The following DGKD variants were observed in gnomAD, a reference collection of about 807,000 sequenced individuals.
The protein encoded by DGKD is DAG kinase delta.
DGKD carries 68 observed loss-of-function variants against 154.4 expected under a neutral mutation model. That is an observed-to-expected ratio of 0.44 (90% CI 0.36 to 0.54). DGKD has a LOEUF of 0.54. DGKD is among the 20% of genes least tolerant of loss of function. The pLI, the probability that DGKD is intolerant of heterozygous loss-of-function variation, is 0.00. For synonymous variants in DGKD, 693 were observed against 638.0 expected (o/e 1.09, Z -1.30); for missense variants, 1,343 against 1,593.6 (o/e 0.84, Z 2.68).
At chr2:233,447,146 C>T (rs1449718025) in intron 12 of DGKD, among the ~76,000 whole-genome samples, 4 of 152,154 alleles carry the variant, frequency 2.6e-5, no homozygotes, top group East Asian at 1.9e-4. Context: ...CCGCGGTGCC[C>T]ACGTGCCTGG....
chr2:233,402,665 A>G (rs2061589240), intron 3 of DGKD, among the ~76,000 whole-genome samples: 1 of 152,128 alleles, frequency 6.6e-6, no homozygotes, highest in Non-Finnish European at 1.5e-5. Context: ...CAGCTTGGGG[A>G]CAAGGTTAGC....
rs752373456 is a variant in DGKD, at chr2:233,467,079, C to A, written c.3307-7C>A. On this transcript the variant is annotated splice_region_variant and splice_polypyrimidine_tract_variant and intron_variant, in intron 27 of 29. Coordinates refer to ENST00000264057, the MANE Select transcript of DGKD (RefSeq NM_152879.3). Reference sequence around the variant, plus strand: ...TGATTCTCAGTATTCCTCATTCTCCCCAACAGAGTGTGATGCTGGATCTTG... The same window carrying A: ...TGATTCTCAGTATTCCTCATTCTCCACAACAGAGTGTGATGCTGGATCTTG... The A allele has an allele frequency of 6.2e-7, 1 of 1,608,770 alleles. No individual in the cohort carries two copies. The highest frequency in any genetic ancestry group is 8.5e-7 in the Non-Finnish European group (1 of 1,175,122).
chr2:233,464,503 G>A (rs984068816), intron 27 of DGKD, among the ~76,000 whole-genome samples: 5 of 152,218 alleles, frequency 3.3e-5, no homozygotes, highest in African/African-American at 4.8e-5. Flanking sequence ...AGTGCCCCTT[G>A]AGGACCAGGG....
At chr2:233,376,704 G>A (rs975087392) in intron 1 of DGKD, among the ~76,000 whole-genome samples, 9 of 152,168 alleles carry the variant, frequency 5.9e-5, no homozygotes, top group Middle Eastern at 3.4e-3. Context: ...ACCAAACACC[G>A]CATGTTCTCA....
At chr2:233,465,446 A>G (rs2063795148) in intron 27 of DGKD, among the ~76,000 whole-genome samples, 1 of 152,212 alleles carries the variant, frequency 6.6e-6, no homozygotes, top group African/African-American at 2.4e-5. Flanking sequence ...ACTTGGAGAA[A>G]TACAGAGTCA....
intron 3 of DGKD, among the ~76,000 whole-genome samples, chr2:233,391,108 G>A (rs1703576145): frequency 6.6e-6 from 1 of 152,028 alleles, no homozygotes; most frequent in Non-Finnish European, 1.5e-5. Context: ...ATGCAGACAA[G>A]TATGTTAAAG....
At chr2:233,435,961 A>G in intron 6 of DGKD, 37 bp downstream of exon 6, 1 of 1,563,924 alleles carries the variant, frequency 6.4e-7, no homozygotes, top group Non-Finnish European at 8.7e-7. Flanking sequence ...GCCCTGAGCC[A>G]GGGTCCCCCA....
intron 3 of DGKD, among the ~76,000 whole-genome samples, chr2:233,429,657 G>A (rs182609449): frequency 2.5e-3 from 374 of 152,362 alleles, no homozygotes; most frequent in Non-Finnish European, 3.7e-3. Flanking sequence ...CACCTAGCCA[G>A]CATCTGCTGA....
At position 233,446,845 on chromosome 2, in the gene DGKD, G is replaced by C. The variant is rs1315143941; in HGVS notation, c.1419+49G>C. On this transcript the variant is annotated intron_variant, in intron 12 of 29. Coordinates refer to ENST00000264057, the MANE Select transcript of DGKD (RefSeq NM_152879.3). ...CCCTGCTCGCATGCTGATGTGATCAGAACTGTCCTGTCAGCGGTTTGCATC... is the reference window on the plus strand; with the variant it reads ...CCCTGCTCGCATGCTGATGTGATCACAACTGTCCTGTCAGCGGTTTGCATC... The C allele has an allele frequency of 1.9e-6, 3 of 1,601,494 alleles. No homozygotes were observed. In the Admixed American group the frequency reaches 5.1e-5, roughly 27 times the overall value.
At chr2:233,436,244 C>T (rs1211515211) in intron 6 of DGKD, 72 bp from the exon 7 acceptor site, 27 of 1,598,974 alleles carry the variant, frequency 1.7e-5, no homozygotes, top group African/African-American at 4.0e-5. Context: ...GAGTTCACAA[C>T]GAGCATTTCC....
chr2:233,362,720 A>C (rs554079408), intron 1 of DGKD, among the ~76,000 whole-genome samples: 16 of 152,256 alleles, frequency 1.1e-4, no homozygotes, highest in Non-Finnish European at 1.6e-4. Flanking sequence ...TACCATGAAC[A>C]GATTCGATAG....
intron 3 of DGKD, among the ~76,000 whole-genome samples, chr2:233,404,601 T>G (rs1045731606): frequency 6.6e-6 from 1 of 152,148 alleles, no homozygotes; most frequent in Non-Finnish European, 1.5e-5. Context: ...TCTATTTACT[T>G]TACACCATTT....
chr2:233,363,838 A>G (rs1441093), intron 1 of DGKD, among the ~76,000 whole-genome samples: 125,626 of 152,286 alleles, frequency 0.82, 52,497 homozygotes, highest in African/African-American at 0.95. Flanking sequence ...TTGTAGTCCA[A>G]GAGCAATAGG....
At chr2:233,413,472 C>T (rs1477196982) in intron 3 of DGKD, among the ~76,000 whole-genome samples, 1 of 151,356 alleles carries the variant, frequency 6.6e-6, no homozygotes, top group Non-Finnish European at 1.5e-5. Context: ...CTTCCTTTTC[C>T]CTCTGATTTA....
Position 233,458,119 on chromosome 2 carries a change from A to C in DGKD, c.2581-165A>C. 2 of 530,896 alleles carry C rather than the reference A, an allele frequency of 3.8e-6. No homozygotes were observed. Among genetic ancestry groups the C allele is most frequent in the Non-Finnish European group, 6.8e-6 (2 of 293,662 alleles). 32.9% of individuals were successfully genotyped at this position (530,896 alleles called of 1,614,324 possible). A position where few individuals can be genotyped will look rare whatever the true frequency, so the allele number is the denominator to read the frequency against. On this transcript the variant is annotated intron_variant, in intron 21 of 29. Coordinates refer to ENST00000264057, the MANE Select transcript of DGKD (RefSeq NM_152879.3). The surrounding 1 kb of genome is among the most constrained non-coding windows in gnomAD (Gnocchi z 6.6). ...TGAGAGCTGGGATTTGGTCCCAGGC[A>C]GCTGGTTTCAGGGCCTGCAACATGA...
intron 12 of DGKD, chr2:233,447,794 T>G (rs1575141470): frequency 8.5e-7 from 1 of 1,176,244 alleles, no homozygotes; most frequent in Non-Finnish European, 1.1e-6. Context: ...TGAGTAGGGG[T>G]CAGGACGGAA....
At chr2:233,388,183 G>A in intron 1 of DGKD, 74 bp from the exon 2 acceptor site, 1 of 1,576,084 alleles carries the variant, frequency 6.3e-7, no homozygotes. Flanking sequence ...AGCCGCAACA[G>A]GCTGCGTTTC....
At chr2:233,421,351 A>G (rs1212133664) in intron 3 of DGKD, among the ~76,000 whole-genome samples, 1 of 151,558 alleles carries the variant, frequency 6.6e-6, no homozygotes, top group Non-Finnish European at 1.5e-5. Context: ...GAGCCTGCCC[A>G]CTCTCCTCAC....
In DGKD at chr2:233,441,522, TCA is replaced by T. The variant is rs1311911387; in HGVS notation, c.1086-362_1086-361del. On this transcript the variant is annotated intron_variant, in intron 9 of 29. Transcript: ENST00000264057. The surrounding 1 kb of genome is among the most constrained non-coding windows in gnomAD (Gnocchi z 5.6). ...GCAGGGACAGTGACGCAGGGTGGGC[TCA>T]CATGGTTAGGGGCCACGGCAGGCTG... Among the ~76,000 whole-genome samples the T allele has an allele frequency of 1.3e-5, 2 of 152,144 alleles. No individual in the cohort carries two copies. Among genetic ancestry groups the T allele is most frequent in the Non-Finnish European group, 2.9e-5 (2 of 67,998 alleles).
Sources: gnomAD v4.1 joint callset for allele counts (sites outside exome capture counted in the v4.1 genomes callset) on GRCh38, gnomAD v4.1.1 for gene constraint, Gnocchi (gnomAD v3.1) non-coding constraint, MANE v1.5 for transcripts, NCBI Gene and HGNC (gene_info 2026-07-23, HGNC 2026-07-21) for gene names.